CPXM2: variants seen among roughly 807,000 people sequenced by gnomAD.
CPXM2 encodes carboxypeptidase X, M14 family member 2.
In CPXM2, 66 loss-of-function variants were observed where a neutral mutation model predicts 86.1. That is an observed-to-expected ratio of 0.77 (90% CI 0.63 to 0.94). CPXM2 has a LOEUF of 0.94. Ranked by LOEUF, CPXM2 falls within the 40% of genes least tolerant of loss-of-function variation. The pLI is 0.00. For synonymous variants in CPXM2, 388 were observed against 400.2 expected (o/e 0.97, Z 0.36); for missense variants, 948 against 1,026.3 (o/e 0.92, Z 1.04).
chr10:123,859,605 C>A (rs1271677007), intron 3 of CPXM2, among the ~76,000 whole-genome samples: 1 of 152,228 alleles, frequency 6.6e-6, no homozygotes, highest in East Asian at 1.9e-4. Flanking sequence ...CCAGATTTGG[C>A]TATTAAAGCA....
intron 2 of CPXM2, among the ~76,000 whole-genome samples, chr10:123,868,096 C>T (rs1051404329): frequency 6.6e-6 from 1 of 152,182 alleles, no homozygotes; most frequent in Admixed American, 6.5e-5. Context: ...CCTAGGCCTT[C>T]AGAGGCCTTG....
Position 123,798,977 on chromosome 10 carries a change from G to A in CPXM2, c.738+138C>T, listed in dbSNP as rs1847394811. The stretch of plus-strand genomic sequence containing the variant: ...GCTTCAGGGCAGGGAAAGGGTCTCT[G>A]TCCATCAGACTGTAGTGGTAGGTTT... On this transcript the variant is annotated intron_variant, in intron 5 of 13. Coordinates refer to ENST00000241305, the MANE Select transcript of CPXM2 (RefSeq NM_198148.3). 13 of 924,178 alleles carry A rather than the reference G, an allele frequency of 1.4e-5. No individual in the cohort carries two copies. The East Asian group carries it at 3.2e-4, about 22-fold the overall frequency. 57.2% of individuals were successfully genotyped at this position (924,178 alleles called of 1,614,324 possible).
intron 2 of CPXM2, among the ~76,000 whole-genome samples, chr10:123,907,345 A>G (rs1243062849): frequency 6.6e-6 from 1 of 152,252 alleles, no homozygotes; most frequent in East Asian, 1.9e-4. Context: ...TATTCAAGTC[A>G]GATTTTACTT....
chr10:123,845,762 C>T (rs1355030107), intron 3 of CPXM2, among the ~76,000 whole-genome samples: 2 of 152,076 alleles, frequency 1.3e-5, no homozygotes, highest in African/African-American at 2.4e-5. Flanking sequence ...CATGGAATAT[C>T]ATTTTGAAAC....
intron 3 of CPXM2, among the ~76,000 whole-genome samples, chr10:123,849,433 C>T (rs1218854177): frequency 7.0e-6 from 1 of 143,398 alleles, no homozygotes; most frequent in Non-Finnish European, 1.5e-5. Flanking sequence ...TCTTAACGTT[C>T]ACTCTTTTTT....
chr10:123,933,782 T>A (rs890563767), intron 2 of CPXM2, among the ~76,000 whole-genome samples: 1 of 151,416 alleles, frequency 6.6e-6, no homozygotes, highest in Non-Finnish European at 1.5e-5. Context: ...AACCCAGGCT[T>A]CCCCACCCCG....
chr10:123,936,900 T>A (rs774916653), intron 2 of CPXM2, among the ~76,000 whole-genome samples: 2 of 152,100 alleles, frequency 1.3e-5, no homozygotes, highest in Non-Finnish European at 2.9e-5. Context: ...TTCAGGATGC[T>A]TCCTCTCTCT....
intron 2 of CPXM2, among the ~76,000 whole-genome samples, chr10:123,868,442 C>T (rs1034034507): frequency 6.6e-6 from 1 of 152,128 alleles, no homozygotes; most frequent in African/African-American, 2.4e-5. Context: ...AAAAGAAAGG[C>T]AGAGACGGCA....
chr10:123,779,549 C>G (rs1297176720), intron 7 of CPXM2, among the ~76,000 whole-genome samples: 1 of 152,190 alleles, frequency 6.6e-6, no homozygotes, highest in Non-Finnish European at 1.5e-5. Flanking sequence ...TCCCCAGGCC[C>G]CTGTCTCCTA....
chr10:123,810,672 T>C (rs1246214114), intron 4 of CPXM2, among the ~76,000 whole-genome samples: 1 of 152,122 alleles, frequency 6.6e-6, no homozygotes, highest in Non-Finnish European at 1.5e-5. Context: ...TAAATTTTTA[T>C]TGAATAACAT....
At chr10:123,896,873 G>A (rs552608824), upstream of CPXM2, among the ~76,000 whole-genome samples, 14 of 152,218 alleles carry the variant, frequency 9.2e-5, no homozygotes, top group Non-Finnish European at 1.9e-4. Flanking sequence ...TGTAAGCTGG[G>A]TTCTCTGTTT....
chr10:123,929,973 C>T (rs550046694), intron 2 of CPXM2, among the ~76,000 whole-genome samples: 4 of 152,210 alleles, frequency 2.6e-5, no homozygotes, highest in Non-Finnish European at 5.9e-5. Flanking sequence ...GAGGTTCCCA[C>T]CACCTCCCCT....
chr10:123,854,422 T>G (rs1315545022), intron 3 of CPXM2, among the ~76,000 whole-genome samples: 1 of 124,628 alleles, frequency 8.0e-6, no homozygotes, highest in Admixed American at 9.2e-5. Flanking sequence ...ATAAAATATA[T>G]AATATATATA....
At chr10:123,869,594 G>A (rs1389714524) in intron 2 of CPXM2, among the ~76,000 whole-genome samples, 2 of 152,122 alleles carry the variant, frequency 1.3e-5, no homozygotes, top group African/African-American at 2.4e-5. Flanking sequence ...AACACACCAC[G>A]CTGAGCAGGG....
chr10:123,817,767 A>G (rs1183989594), intron 4 of CPXM2, among the ~76,000 whole-genome samples: 1 of 152,158 alleles, frequency 6.6e-6, no homozygotes, highest in Middle Eastern at 3.2e-3. Flanking sequence ...GAGGAAGAGA[A>G]GACTTGGGCC....
chr10:123,766,813 A>G (rs1846485621), intron 10 of CPXM2, among the ~76,000 whole-genome samples, 160 bp downstream of exon 10: 1 of 152,218 alleles, frequency 6.6e-6, no homozygotes, highest in South Asian at 2.1e-4. Context: ...ATATCCACCT[A>G]AAAGGTAGTT....
At chr10:123,842,792 G>T (rs569126879) in intron 3 of CPXM2, among the ~76,000 whole-genome samples, 1 of 152,320 alleles carries the variant, frequency 6.6e-6, no homozygotes, top group African/African-American at 2.4e-5. Flanking sequence ...CTCCCACACA[G>T]CAGCCCACGC....
intron 2 of CPXM2, among the ~76,000 whole-genome samples, chr10:123,870,008 G>A (rs373038427): frequency 1.4e-4 from 21 of 152,176 alleles, no homozygotes; most frequent in Admixed American, 3.3e-4. Context: ...GTTATGAGTC[G>A]TGTCATGAAA....
At chr10:123,860,460 A>G (rs1219223724) in intron 3 of CPXM2, among the ~76,000 whole-genome samples, 2 of 152,196 alleles carry the variant, frequency 1.3e-5, no homozygotes, top group African/African-American at 4.8e-5. Flanking sequence ...GGAATTCCCA[A>G]CTGGAGGGAC....
Sources: allele counts gnomAD v4.1 joint callset (sites outside exome capture counted in the v4.1 genomes callset), GRCh38; gene constraint gnomAD v4.1.1; transcripts MANE v1.5; gene names NCBI Gene and HGNC (gene_info 2026-07-23, HGNC 2026-07-21).